UGGT2: variants seen among roughly 807,000 people sequenced by gnomAD.
UGGT2 encodes UDP-glucose:glycoprotein glucosyltransferase 2.
In UGGT2, 180 loss-of-function variants were observed where a neutral mutation model predicts 192.1. The observed-to-expected ratio is 0.94, with a 90% CI of 0.83 to 1.06. The LOEUF is 1.06. Among genes scored for constraint, UGGT2 ranks in the 50% least tolerant of loss-of-function variants. The pLI is 0.00. For missense variants in UGGT2, 1,849 were observed against 1,795.7 expected, an observed-to-expected ratio of 1.03 and a Z score of -0.54; for synonymous variants, 580 against 591.0, an observed-to-expected ratio of 0.98 and a Z score of 0.27.
chr13:95,895,720 A>T (rs2047927184), intron 22 of UGGT2, among the ~76,000 whole-genome samples: 1 of 152,066 alleles, frequency 6.6e-6, no homozygotes, highest in African/African-American at 2.4e-5. Flanking sequence ...TTTTAATTTC[A>T]ATTTTCTTTC....
At chr13:95,868,751 A>T (rs563519426) in intron 29 of UGGT2, among the ~76,000 whole-genome samples, 1 of 152,324 alleles carries the variant, frequency 6.6e-6, no homozygotes, top group South Asian at 2.1e-4. Context: ...GTCCACTGAG[A>T]CCCAGAGTAT....
intron 1 of UGGT2, among the ~76,000 whole-genome samples, chr13:96,033,204 C>A (rs546741395): frequency 6.6e-6 from 1 of 152,304 alleles, no homozygotes; most frequent in South Asian, 2.1e-4. Flanking sequence ...GTGAAAATGG[C>A]CATACTGCCC....
rs1323669722 is a variant in UGGT2, at chr13:96,053,275, A to C, written c.38T>G (p.Leu13Arg). The C allele has an allele frequency of 1.0e-5, 16 of 1,577,724 alleles. No homozygotes were observed. Among genetic ancestry groups the C allele is most frequent in the Non-Finnish European group, 1.4e-5 (16 of 1,170,218 alleles). Residue 13 changes from leucine to arginine, a missense_variant, in exon 1 of 39, where the codon CTA becomes CGA. Transcript: ENST00000376747. ...PAKATNVVRLLLGSTALWLSQ... is the reference protein window; with the variant it reads ...PAKATNVVRLRLGSTALWLSQ... ...AAGCCACAGCGCTGTGGAGCCTAGT[A>C]GCAGCCGCACCACGTTCGTGGCTTT...
At chr13:95,880,424 G>A (rs1594218657) in intron 27 of UGGT2, among the ~76,000 whole-genome samples, 1 of 152,200 alleles carries the variant, frequency 6.6e-6, no homozygotes, top group Non-Finnish European at 1.5e-5. Context: ...CTCAAGGCAG[G>A]TGAAGGCTGA....
Position 95,856,655 on chromosome 13 carries a change from T to A in UGGT2, c.3826-315A>T, listed in dbSNP as rs181411616. The A allele has an allele frequency of 1.2e-5, 5 of 425,506 alleles. No homozygotes were observed. In the Admixed American group the frequency reaches 1.6e-4, roughly 14 times the overall value. 26.4% of individuals were successfully genotyped at this position (425,506 alleles called of 1,614,324 possible). On this transcript the variant is annotated intron_variant, in intron 33 of 38. Transcript: ENST00000376747. ...TTGTTAACATCTGACTTGAGAAAACTGACTTAAAAAAAAGCCTCTGGATCT... is the reference window on the plus strand; with the variant it reads ...TTGTTAACATCTGACTTGAGAAAACAGACTTAAAAAAAAGCCTCTGGATCT...
intron 17 of UGGT2, among the ~76,000 whole-genome samples, chr13:95,931,738 G>T (rs112674544): frequency 6.6e-6 from 1 of 152,160 alleles, no homozygotes; most frequent in African/African-American, 2.4e-5. Context: ...TGAGTGCAGG[G>T]CCTGCTGAGC....
At chr13:96,007,560 T>G (rs2052021029) in intron 5 of UGGT2, among the ~76,000 whole-genome samples, 1 of 151,924 alleles carries the variant, frequency 6.6e-6, no homozygotes, top group African/African-American at 2.4e-5. Flanking sequence ...ACCTAAAGAC[T>G]CCACCAAAAA....
At chr13:95,970,564 G>T (rs1017493718) in intron 11 of UGGT2, among the ~76,000 whole-genome samples, 3 of 151,696 alleles carry the variant, frequency 2.0e-5, no homozygotes. Flanking sequence ...AGCCAAAAAT[G>T]AGAAAAAAAA....
At position 96,002,819 on chromosome 13, in the gene UGGT2, C is replaced by T. The variant is rs1055423715; in HGVS notation, c.661-3512G>A. On this transcript the variant is annotated intron_variant, in intron 5 of 38. Coordinates refer to ENST00000376747, the MANE Select transcript of UGGT2 (RefSeq NM_020121.4). ...AGATCTTGGCAACCCAGCTCTTCCT[C>T]GCTTTCTCACTTGTAAATCTCAGAA... is the stretch of plus-strand genomic sequence containing the variant. 6.6e-5 allele frequency among the ~76,000 whole-genome samples: 10 copies of T among 152,280 alleles called. No homozygotes were observed. In the South Asian group the frequency reaches 8.3e-4, roughly 13 times the overall value.
At chr13:95,934,931 G>A (rs768238993) in intron 17 of UGGT2, among the ~76,000 whole-genome samples, 75 of 152,298 alleles carry the variant, frequency 4.9e-4, no homozygotes, top group Non-Finnish European at 8.2e-4. Flanking sequence ...TTTGTTTTAC[G>A]AATCTGGGTG....
rs1020529997 is a variant in UGGT2, at chr13:95,801,660, T to C, written c.*130A>G. ...ATAACTGTTTTAAATAATTACAATT[T>C]TTTAAAATTAAAGAATATGTCACTG... On this transcript the variant is annotated 3_prime_UTR_variant, in exon 39 of 39. Coordinates refer to ENST00000376747, the MANE Select transcript of UGGT2 (RefSeq NM_020121.4). 13 of 847,050 alleles carry C rather than the reference T, an allele frequency of 1.5e-5. No homozygotes were observed. The highest frequency in any genetic ancestry group is 2.2e-5 in the Non-Finnish European group (12 of 556,734). The allele number at this position is 847,050 out of a possible 1,614,324, so 52.5% of individuals were successfully genotyped here.
At chr13:95,822,469 T>C (rs971530024) in intron 38 of UGGT2, among the ~76,000 whole-genome samples, 1 of 152,176 alleles carries the variant, frequency 6.6e-6, no homozygotes. Flanking sequence ...TCTAGGTAGA[T>C]GGTCATATCA....
At chr13:95,877,159 G>C (rs1212183868) in intron 29 of UGGT2, 120 bp downstream of exon 29, 4 of 817,792 alleles carry the variant, frequency 4.9e-6, no homozygotes, top group Non-Finnish European at 7.4e-6. Context: ...TGGGATTACA[G>C]GCTTGAGCCA....
chr13:95,914,542 A>AG (rs1228662884), intron 20 of UGGT2, among the ~76,000 whole-genome samples: 1 of 140,234 alleles, frequency 7.1e-6, no homozygotes, highest in African/African-American at 2.6e-5. Flanking sequence ...TGGGAGGCTG[A>AG]GGCAGGTGGA....
intron 10 of UGGT2, among the ~76,000 whole-genome samples, chr13:95,976,074 C>T (rs1441158703): frequency 6.6e-6 from 1 of 152,032 alleles, no homozygotes; most frequent in Admixed American, 6.6e-5. Flanking sequence ...ATTTTTGCAC[C>T]CATTAACCAA....
At chr13:95,949,834 G>A (rs1285702377) in intron 12 of UGGT2, among the ~76,000 whole-genome samples, 1 of 152,032 alleles carries the variant, frequency 6.6e-6, no homozygotes, top group Admixed American at 6.6e-5. Context: ...TGGATATAAG[G>A]AAAATAAAAT....
In UGGT2 at chr13:95,863,438, T is replaced by C. The variant is rs1594177923; in HGVS notation, c.3644+191A>G. ...AATTTTTCTCCATTGGTTTGTATAG[T>C]ATTTTATTTTCATCTGTCTTATAGC... On this transcript the variant is annotated intron_variant, in intron 31 of 38. Transcript: ENST00000376747. The C allele has an allele frequency of 2.3e-5, 12 of 511,812 alleles. No individual in the cohort carries two copies. The East Asian group carries it at 3.6e-4, about 15-fold the overall frequency. 31.7% of individuals were successfully genotyped at this position (511,812 alleles called of 1,614,324 possible). A position where few individuals can be genotyped will look rare whatever the true frequency, so the allele number is the denominator to read the frequency against.
chr13:96,003,737 T>C (rs893923784), intron 5 of UGGT2, among the ~76,000 whole-genome samples: 3 of 152,054 alleles, frequency 2.0e-5, no homozygotes, highest in Non-Finnish European at 4.4e-5. Flanking sequence ...TCAGAATAAT[T>C]TGAATCCCCA....
In UGGT2 at chr13:95,986,335, G is replaced by A. The variant is rs2051288271; in HGVS notation, c.1029C>T (p.Ala343=). Residue 343 remains alanine, a splice_region_variant and synonymous_variant, in exon 9 of 39, where the codon GCC becomes GCT. Transcript: ENST00000376747. ...GAAACCTATAAACTTTAACATACCT[G>A]GCTTTTATGGGGAAGTTCTGTGAAA... is the stretch of plus-strand genomic sequence containing the variant. ...KDISQNFPIK[A]RSLTRIAVNQ... 6.3e-7 allele frequency: 1 copy of A among 1,575,046 alleles called. No homozygotes were observed. Among genetic ancestry groups the A allele is most frequent in the African/African-American group, 1.3e-5 (1 of 74,202 alleles).
Sources: gnomAD v4.1 joint callset for allele counts (sites outside exome capture counted in the v4.1 genomes callset) on GRCh38, gnomAD v4.1.1 for gene constraint, MANE v1.5 for transcripts, NCBI Gene and HGNC (gene_info 2026-07-23, HGNC 2026-07-21) for gene names.